Variants in PCNX2 observed in about 807,000 individuals in gnomAD.
The protein encoded by PCNX2 is pecanex 2.
A neutral mutation model predicts 223.8 loss-of-function variants in PCNX2; 168 were observed. The observed-to-expected ratio is 0.75, with a 90% CI of 0.66 to 0.85. The LOEUF is 0.85. PCNX2 is among the 40% of genes least tolerant of loss of function. The pLI is 0.00. For synonymous variants in PCNX2, 1,006 were observed against 1,052.6 expected (o/e 0.96, Z 0.86); for missense variants, 2,507 against 2,675.5 (o/e 0.94, Z 1.39).
upstream of PCNX2, among the ~76,000 whole-genome samples, chr1:233,296,032 T>G (rs1467605629): frequency 2.3e-4 from 32 of 140,206 alleles, no homozygotes; most frequent in Non-Finnish European, 6.2e-5. Context: ...CCCTCTTCCC[T>G]TCCCCTTCTC....
chr1:233,287,875 C>T (rs1446826175), intron 1 of PCNX2, among the ~76,000 whole-genome samples: 1 of 152,020 alleles, frequency 6.6e-6, no homozygotes, highest in Non-Finnish European at 1.5e-5. Context: ...CTCACTGGGG[C>T]ACTATGAAGG....
chr1:233,323,015 G>C, the PCNX2 span, among the ~76,000 whole-genome samples: 7 of 152,114 alleles, frequency 4.6e-5, no homozygotes, highest in Admixed American at 6.6e-5. Context: ...CCACCTAGTT[G>C]CCCAAGCTCA....
At chr1:233,218,306 T>C (rs1021292325) in intron 10 of PCNX2, 122 bp from the exon 11 acceptor site, 2 of 860,014 alleles carry the variant, frequency 2.3e-6, no homozygotes, top group African/African-American at 1.8e-5. Context: ...TGGAGTGCAG[T>C]GGCATGATCT....
intron 8 of PCNX2, among the ~76,000 whole-genome samples, chr1:233,246,190 T>C (rs1659110723): frequency 6.6e-6 from 1 of 151,740 alleles, no homozygotes; most frequent in Admixed American, 6.5e-5. Context: ...GCCCTTCAGA[T>C]GGGATAAATG....
In PCNX2 at chr1:233,007,636, C is replaced by T. The variant is rs1023689716; in HGVS notation, c.4953-5955G>A. Among the ~76,000 whole-genome samples, 87 of 152,350 alleles carry T rather than the reference C, an allele frequency of 5.7e-4. 1 individual carries two copies. The highest frequency in any genetic ancestry group is 1.9e-3 in the African/African-American group (80 of 41,590). On this transcript the variant is annotated intron_variant, in intron 28 of 33. Transcript: ENST00000258229. ...CACTGCAACCTCCACCTCCCAGGTT[C>T]AAATGATTCTCGCACCTCAGCCTCC...
chr1:233,155,089 G>C (rs1402721812), intron 19 of PCNX2, among the ~76,000 whole-genome samples: 1 of 131,440 alleles, frequency 7.6e-6, no homozygotes, highest in Non-Finnish European at 1.6e-5. Flanking sequence ...AAAAAAAAAA[G>C]ATACAGAAAC....
intron 12 of PCNX2, among the ~76,000 whole-genome samples, chr1:233,213,816 C>CTTTT (rs71173256): frequency 2.1e-4 from 14 of 65,274 alleles, no homozygotes; most frequent in East Asian, 4.2e-4. Flanking sequence ...CCAGTGCACT[C>CTTTT]TTTTTTTTTT....
chr1:233,059,222 G>A (rs916559923), intron 23 of PCNX2, among the ~76,000 whole-genome samples: 1 of 152,154 alleles, frequency 6.6e-6, no homozygotes, highest in Non-Finnish European at 1.5e-5. Flanking sequence ...TGCTGCTTGA[G>A]ATTCCTTTGT....
the PCNX2 span, among the ~76,000 whole-genome samples, chr1:233,313,470 G>A: frequency 6.6e-6 from 1 of 151,998 alleles, no homozygotes; most frequent in Non-Finnish European, 1.5e-5. Context: ...TTCAGTAAAT[G>A]GGAAAGACTA....
intron 8 of PCNX2, 74 bp from the exon 9 acceptor site, chr1:233,237,054 A>G: frequency 6.3e-7 from 1 of 1,578,828 alleles, no homozygotes; most frequent in South Asian, 1.1e-5. Flanking sequence ...ACACAAACAC[A>G]AGGACAATAG....
At chr1:233,143,941 GA>G (rs201161672) in intron 19 of PCNX2, among the ~76,000 whole-genome samples, 13 of 150,680 alleles carry the variant, frequency 8.6e-5, no homozygotes, top group Admixed American at 2.0e-4. Context: ...ATTCTCATCA[GA>G]AAAAAAAATT....
intron 9 of PCNX2, among the ~76,000 whole-genome samples, chr1:233,227,725 G>T (rs1163145625): frequency 6.6e-6 from 1 of 152,086 alleles, no homozygotes; most frequent in East Asian, 1.9e-4. Context: ...TTCAATAAAA[G>T]ATCTTAAATG....
intron 21 of PCNX2, among the ~76,000 whole-genome samples, chr1:233,123,233 T>C (rs1386160344): frequency 3.3e-5 from 5 of 152,212 alleles, no homozygotes; most frequent in Non-Finnish European, 5.9e-5. Context: ...GGGAATTCTC[T>C]ATACTATCTT....
intron 12 of PCNX2, among the ~76,000 whole-genome samples, chr1:233,214,124 GC>G (rs903598576): frequency 9.3e-5 from 14 of 150,702 alleles, no homozygotes; most frequent in Non-Finnish European, 2.1e-4. Flanking sequence ...ACCATGCCTG[GC>G]CACCCAGTGC....
At chr1:233,228,294 C>G (rs934256704) in intron 9 of PCNX2, among the ~76,000 whole-genome samples, 45 of 152,178 alleles carry the variant, frequency 3.0e-4, no homozygotes, top group Non-Finnish European at 2.2e-4. Context: ...CTTAAGCCTT[C>G]TCTAGATACC....
At chr1:233,240,004 G>A (rs1658657391) in intron 8 of PCNX2, among the ~76,000 whole-genome samples, 1 of 152,178 alleles carries the variant, frequency 6.6e-6, no homozygotes, top group African/African-American at 2.4e-5. Flanking sequence ...ATTCTCTTCT[G>A]AGCTTAATGA....
At chr1:233,119,538 T>A (rs1362369386) in intron 21 of PCNX2, among the ~76,000 whole-genome samples, 17 of 132,638 alleles carry the variant, frequency 1.3e-4, no homozygotes, top group Non-Finnish European at 2.0e-4. Context: ...TGAACAGAGA[T>A]CCCGCCACTG....
chr1:233,096,766 A>C (rs1674195395), intron 21 of PCNX2, among the ~76,000 whole-genome samples: 2 of 152,262 alleles, frequency 1.3e-5, no homozygotes, highest in African/African-American at 4.8e-5. Flanking sequence ...ATTTTTAATT[A>C]GGCTCAATAG....
At chr1:233,223,666 T>C (rs746105932) in intron 10 of PCNX2, among the ~76,000 whole-genome samples, 5 of 152,066 alleles carry the variant, frequency 3.3e-5, no homozygotes, top group Non-Finnish European at 7.4e-5. Flanking sequence ...TCTGTGTCCA[T>C]GTGTTCTCAT....
Sources: allele counts gnomAD v4.1 joint callset (sites outside exome capture counted in the v4.1 genomes callset), GRCh38; gene constraint gnomAD v4.1.1; transcripts MANE v1.5; gene names NCBI Gene and HGNC (gene_info 2026-07-23, HGNC 2026-07-21).